MTPAP: variants seen among roughly 807,000 people sequenced by gnomAD.
MTPAP encodes the protein poly(A) RNA polymerase, mitochondrial.
Under a neutral mutation model 48.7 loss-of-function variants are expected in MTPAP, and 23 were observed. The observed-to-expected ratio is 0.47, with a 90% CI of 0.34 to 0.67. MTPAP has a LOEUF of 0.67. MTPAP is among the 30% of genes least tolerant of loss of function. The pLI, the probability that MTPAP is intolerant of heterozygous loss-of-function variation, is 0.01. For missense variants in MTPAP, 614 were observed against 694.3 expected, an observed-to-expected ratio of 0.88 and a Z score of 1.30; for synonymous variants, 257 against 254.1, an observed-to-expected ratio of 1.01 and a Z score of -0.11.
intron 4 of MTPAP, among the ~76,000 whole-genome samples, chr10:30,333,600 G>A (rs1477799495): frequency 2.0e-5 from 3 of 152,152 alleles, no homozygotes; most frequent in African/African-American, 7.2e-5. Flanking sequence ...TCAAGTACAT[G>A]TTAGTCTTAA....
At chr10:30,345,756 G>C (rs972413819) in intron 1 of MTPAP, among the ~76,000 whole-genome samples, 1 of 152,078 alleles carries the variant, frequency 6.6e-6, no homozygotes, top group African/African-American at 2.4e-5. Context: ...ATTAAGAAAT[G>C]ACTGAATAGG....
intron 1 of MTPAP, among the ~76,000 whole-genome samples, chr10:30,343,398 A>G (rs963875769): frequency 1.4e-5 from 2 of 144,994 alleles, no homozygotes; most frequent in Non-Finnish European, 3.0e-5. Flanking sequence ...ACAGAGGGAG[A>G]CTGTCTCAAA....
chr10:30,317,918 C>T (rs563008149), intron 6 of MTPAP, among the ~76,000 whole-genome samples: 1 of 152,090 alleles, frequency 6.6e-6, no homozygotes, highest in South Asian at 2.1e-4. Context: ...GCAGTGGCGG[C>T]GTGACCTTGG....
At position 30,349,266 on chromosome 10, in the gene MTPAP, G is replaced by T. The variant is rs1428340430; in HGVS notation, c.10C>A (p.Pro4Thr). ...AAACGGGTCAAGAGCCCCACGCCGG[G>T]AACCGCCATTGCTAAAAAAAAAAAA... MAV[P>T]GVGLLTRLNL... The change falls in exon 1 of 9, where the codon CCC becomes ACC. Residue 4 changes from proline (P) to threonine (T), a missense_variant. Around this residue, in one of 5 missense-constraint regions of MTPAP, gnomAD observed 125 missense variants for 111.5 expected, o/e 1.12. Transcript: ENST00000263063. 1.5e-6 allele frequency: 2 copies of T among 1,341,250 alleles called. No homozygotes were observed. The highest frequency in any genetic ancestry group is 1.6e-5 in the African/African-American group (1 of 62,702). The allele number at this position is 1,341,250 out of a possible 1,614,324, so 83.1% of individuals were successfully genotyped here.
chr10:30,316,241 T>G (rs1408597021), intron 6 of MTPAP, 31 bp from the exon 7 acceptor site: 2 of 911,228 alleles, frequency 2.2e-6, no homozygotes, highest in Admixed American at 2.5e-5. Flanking sequence ...ATTTCACGTG[T>G]TTTTTTTTTT....
intron 3 of MTPAP, among the ~76,000 whole-genome samples, chr10:30,338,672 T>C (rs1266155931): frequency 6.6e-6 from 1 of 151,670 alleles, no homozygotes; most frequent in African/African-American, 2.4e-5. Flanking sequence ...CAAAACTCTG[T>C]CTCAAAATAA....
chr10:30,325,177 T>C (rs1834568877), intron 5 of MTPAP, among the ~76,000 whole-genome samples: 1 of 152,238 alleles, frequency 6.6e-6, no homozygotes, highest in South Asian at 2.1e-4. Context: ...TTTTACATAC[T>C]ACAAAGAAAA....
rs148448324 is a variant in MTPAP, at chr10:30,334,605, G to A, written c.780+2198C>T. Among the ~76,000 whole-genome samples, 62 of 152,174 alleles carry A rather than the reference G, an allele frequency of 4.1e-4. No individual in the cohort carries two copies. The East Asian group carries it at 0.011, about 27-fold the overall frequency. ...GAACCCAGGAGGCAGAGGCTGCAGC[G>A]GGCCAAGATCATGCCACTGCACTCC... On this transcript the variant is annotated intron_variant, in intron 4 of 8. Coordinates refer to ENST00000263063, the MANE Select transcript of MTPAP (RefSeq NM_018109.4).
At position 30,311,803 on chromosome 10, in the gene MTPAP, T is replaced by C. The variant is rs1460971601; in HGVS notation, c.*1806A>G. 6.6e-6 allele frequency: 1 copy of C among 152,648 alleles called. No homozygotes were observed. Among genetic ancestry groups the C allele is most frequent in the African/African-American group, 2.4e-5 (1 of 41,482 alleles). 9.5% of individuals were successfully genotyped at this position (152,648 alleles called of 1,614,324 possible). ...CCTCGGCCTCCCAAGTACCTGGGAC[T>C]ACAGGCATGTGCCGCTATGCCCAGG... On this transcript the variant is annotated 3_prime_UTR_variant, in exon 9 of 9. Coordinates refer to ENST00000263063, the MANE Select transcript of MTPAP (RefSeq NM_018109.4).
chr10:30,316,059 C>G lies in MTPAP; in HGVS notation c.1313-23G>C, dbSNP rs200101479. 4.3e-6 allele frequency: 7 copies of G among 1,610,570 alleles called. No homozygotes were observed. The East Asian group carries it at 1.1e-4, about 26-fold the overall frequency. On this transcript the variant is annotated intron_variant, in intron 7 of 8. Coordinates refer to ENST00000263063, the MANE Select transcript of MTPAP (RefSeq NM_018109.4). ...ATTCTGTAAGAAAATAAAACAAGGA[C>G]AATCAGAGGAAAGCCTGTTTCAATC...
In MTPAP at chr10:30,312,420, T is replaced by C. The variant is rs1055717123; in HGVS notation, c.*1189A>G. ...TGTCTCTACTAAAAATACAAAAAAA[T>C]TGTCCGGGCGTGGTGGCGGGCACCT... On this transcript the variant is annotated 3_prime_UTR_variant, in exon 9 of 9. Coordinates refer to ENST00000263063, the MANE Select transcript of MTPAP (RefSeq NM_018109.4). 2.6e-5 allele frequency: 4 copies of C among 151,070 alleles called. No individual in the cohort carries two copies. Among genetic ancestry groups the C allele is most frequent in the African/African-American group, 9.7e-5 (4 of 41,150 alleles). 9.4% of individuals were successfully genotyped at this position (151,070 alleles called of 1,614,324 possible).
chr10:30,323,451 CAAAAAAA>C (rs755342499), intron 5 of MTPAP, among the ~76,000 whole-genome samples: 22 of 84,726 alleles, frequency 2.6e-4, no homozygotes, highest in Non-Finnish European at 6.1e-5. Flanking sequence ...GACCCTGCCT[CAAAAAAA>C]AAAAAAAAAA....
chr10:30,341,132 A>G (rs925957668), intron 2 of MTPAP, among the ~76,000 whole-genome samples: 4 of 151,704 alleles, frequency 2.6e-5, no homozygotes, highest in East Asian at 3.9e-4. Context: ...GGATCACCCG[A>G]GCCTAGGAGT....
chr10:30,322,298 T>C (rs200389634), intron 6 of MTPAP, 93 bp downstream of exon 6: 5 of 1,118,426 alleles, frequency 4.5e-6, no homozygotes, highest in South Asian at 2.6e-5. Context: ...TTATGACTAA[T>C]AAACAAATAG....
Position 30,310,640 on chromosome 10 carries a change from C to G in MTPAP, c.*2969G>C, listed in dbSNP as rs1840580133. On this transcript the variant is annotated 3_prime_UTR_variant, in exon 9 of 9. Coordinates refer to ENST00000263063, the MANE Select transcript of MTPAP (RefSeq NM_018109.4). The stretch of plus-strand genomic sequence containing the variant: ...AGGTGCGGTGGCTCACACCTGTAAC[C>G]TGTAATCCCAGCACTTTGAGAGGCT... 1 of 149,936 alleles carries G rather than the reference C, an allele frequency of 6.7e-6. No homozygotes were observed. Among genetic ancestry groups the G allele is most frequent in the Non-Finnish European group, 1.5e-5 (1 of 67,872 alleles). 9.3% of individuals were successfully genotyped at this position (149,936 alleles called of 1,614,324 possible).
At chr10:30,325,289 T>A (rs1405495214) in intron 5 of MTPAP, among the ~76,000 whole-genome samples, 1 of 152,222 alleles carries the variant, frequency 6.6e-6, no homozygotes, top group Non-Finnish European at 1.5e-5. Flanking sequence ...AAGTCGCAAG[T>A]ACTTATGATT....
chr10:30,314,690 T>C (rs539484730), intron 8 of MTPAP, among the ~76,000 whole-genome samples: 5 of 151,908 alleles, frequency 3.3e-5, no homozygotes, highest in African/African-American at 4.8e-5. Context: ...CTGACCAACA[T>C]GGTGAAATCC....
chr10:30,335,145 A>C (rs1277401331), intron 4 of MTPAP, among the ~76,000 whole-genome samples: 1 of 152,250 alleles, frequency 6.6e-6, no homozygotes, highest in Admixed American at 6.5e-5. Context: ...TACTAGTTTG[A>C]AAGATGTAAG....
chr10:30,316,300 C>A (rs569340998), intron 6 of MTPAP, 90 bp from the exon 7 acceptor site: 6 of 1,000,136 alleles, frequency 6.0e-6, no homozygotes, highest in African/African-American at 4.8e-5. Flanking sequence ...TGGAGTGTAG[C>A]GGCATGATCT....
Sources: gnomAD v4.1 joint callset for allele counts (sites outside exome capture counted in the v4.1 genomes callset) on GRCh38, gnomAD v4.1.1 for gene constraint, gnomAD v4.1.1 regional missense constraint, MANE v1.5 for transcripts, NCBI Gene and HGNC (gene_info 2026-07-23, HGNC 2026-07-21) for gene names.